ZNF827: variants seen among roughly 807,000 people sequenced by gnomAD.
The protein encoded by ZNF827 is zinc finger protein 827.
Under a neutral mutation model 102.4 loss-of-function variants are expected in ZNF827, and 13 were observed. The observed-to-expected ratio is 0.13, with a 90% CI of 0.08 to 0.20. The LOEUF (loss-of-function observed/expected upper bound fraction) is 0.20. Ranked by LOEUF, ZNF827 falls within the 10% of genes least tolerant of loss-of-function variation. The pLI is 1.00. For missense variants in ZNF827, 1,103 were observed against 1,344.4 expected (o/e 0.82, Z 2.81); for synonymous variants, 523 against 536.2 (o/e 0.98, Z 0.34).
At chr4:145,812,632 A>T (rs1203300596) in intron 8 of ZNF827, among the ~76,000 whole-genome samples, 1 of 151,762 alleles carries the variant, frequency 6.6e-6, no homozygotes, top group Non-Finnish European at 1.5e-5. Context: ...GGTTCAAGAG[A>T]TTTTCCTGTC....
chr4:145,765,417 T>A lies in ZNF827; in HGVS notation c.3052+130A>T. The A allele has an allele frequency of 8.6e-7, 1 of 1,168,016 alleles. No individual in the cohort carries two copies. The highest frequency in any genetic ancestry group is 1.2e-6 in the Non-Finnish European group (1 of 843,342). The allele number at this position is 1,168,016 out of a possible 1,614,324, so 72.4% of individuals were successfully genotyped here. A position where few individuals can be genotyped will look rare whatever the true frequency, so the allele number is the denominator to read the frequency against. On this transcript the variant is annotated intron_variant, in intron 12 of 14. Transcript: ENST00000508784. This position sits in a 1 kb window ranked among gnomAD's most constrained non-coding sequence, Gnocchi z 4.7. ...AGCCAAAAGAAATACAACCTTTAGG[T>A]GAGGCCCAGCATACTGCATCCTGGG...
At chr4:145,805,485 G>A (rs1741330026) in intron 8 of ZNF827, among the ~76,000 whole-genome samples, 1 of 152,050 alleles carries the variant, frequency 6.6e-6, no homozygotes, top group Non-Finnish European at 1.5e-5. Flanking sequence ...AATTATTAAA[G>A]GAACATGCAC....
intron 7 of ZNF827, among the ~76,000 whole-genome samples, chr4:145,845,609 TCCCAG>T (rs1745854338): frequency 6.6e-6 from 1 of 152,100 alleles, no homozygotes; most frequent in Non-Finnish European, 1.5e-5. Flanking sequence ...CAGCCCCCAG[TCCCAG>T]CTGAGCCACC....
At chr4:145,875,018 G>A (rs1256214939) in intron 4 of ZNF827, among the ~76,000 whole-genome samples, 1 of 152,196 alleles carries the variant, frequency 6.6e-6, no homozygotes, top group East Asian at 1.9e-4. Flanking sequence ...TGGGAAAGCT[G>A]CTGGGATAAG....
intron 1 of ZNF827, among the ~76,000 whole-genome samples, chr4:145,926,110 T>C (rs746168792): frequency 6.6e-6 from 1 of 152,202 alleles, no homozygotes; most frequent in African/African-American, 2.4e-5. Flanking sequence ...GCAGGGACCA[T>C]GCTCTATTCG....
At chr4:145,777,364 T>C (rs1404977844) in intron 9 of ZNF827, among the ~76,000 whole-genome samples, 1 of 152,212 alleles carries the variant, frequency 6.6e-6, no homozygotes, top group Non-Finnish European at 1.5e-5. Context: ...TTTAATAACA[T>C]TGGAATTTCC....
chr4:145,816,164 T>G (rs138600170), intron 8 of ZNF827, among the ~76,000 whole-genome samples: 1 of 152,344 alleles, frequency 6.6e-6, no homozygotes, highest in Non-Finnish European at 1.5e-5. Context: ...GCCACCACAT[T>G]TGACTTGGAT....
Position 145,897,297 on chromosome 4 carries a change from A to G in ZNF827, c.1093+4869T>C, listed in dbSNP as rs988606618. Among the ~76,000 whole-genome samples, 7 of 152,344 alleles carry G rather than the reference A, an allele frequency of 4.6e-5. No homozygotes were observed. In the East Asian group the frequency reaches 7.7e-4, roughly 17 times the overall value. On this transcript the variant is annotated intron_variant, in intron 2 of 14. Transcript: ENST00000508784. ...GCTTTAACACAAAGGTATTTTTAAAACAAATGTAACTGTTTTGTAGGCTTC... is the reference window on the plus strand; with the variant it reads ...GCTTTAACACAAAGGTATTTTTAAAGCAAATGTAACTGTTTTGTAGGCTTC...
intron 5 of ZNF827, among the ~76,000 whole-genome samples, chr4:145,864,690 T>C (rs980787780): frequency 2.6e-5 from 4 of 152,152 alleles, no homozygotes; most frequent in Non-Finnish European, 5.9e-5. Flanking sequence ...GAAATGAATA[T>C]GTGAATTTTT....
At chr4:145,905,756 G>A (rs1751809161) in intron 1 of ZNF827, among the ~76,000 whole-genome samples, 1 of 152,082 alleles carries the variant, frequency 6.6e-6, no homozygotes, top group Admixed American at 6.5e-5. Flanking sequence ...GAATCACATA[G>A]GAAGTATCCT....
intron 8 of ZNF827, among the ~76,000 whole-genome samples, chr4:145,807,534 G>A (rs779779930): frequency 1.3e-5 from 2 of 150,708 alleles, no homozygotes; most frequent in African/African-American, 2.4e-5. Context: ...GTGCAGTGGC[G>A]CCATCTCAGC....
intron 8 of ZNF827, among the ~76,000 whole-genome samples, chr4:145,788,534 G>A (rs946349808): frequency 2.6e-5 from 4 of 152,176 alleles, no homozygotes; most frequent in Admixed American, 6.5e-5. Context: ...TGTTTTCCCT[G>A]TACTTGTACT....
At chr4:145,883,035 C>T (rs1749805925) in intron 4 of ZNF827, among the ~76,000 whole-genome samples, 1 of 150,120 alleles carries the variant, frequency 6.7e-6, no homozygotes, top group South Asian at 2.1e-4. Flanking sequence ...AACGTATGGC[C>T]AGACCAACCA....
At chr4:145,819,283 C>T (rs1327905013) in intron 8 of ZNF827, among the ~76,000 whole-genome samples, 1 of 152,128 alleles carries the variant, frequency 6.6e-6, no homozygotes. Context: ...TCCTTCACAC[C>T]CGCCCTGGTT....
At position 145,870,491 on chromosome 4, in the gene ZNF827, A is replaced by G. The variant is rs1433054243; in HGVS notation, c.1748-13T>C. 6.2e-7 allele frequency: 1 copy of G among 1,612,348 alleles called. No homozygotes were observed. Among genetic ancestry groups the G allele is most frequent in the South Asian group, 1.1e-5 (1 of 91,024 alleles). ...TTCTGATTTGCAGCTGTCAAAAGAA[A>G]AAAAGGGATTATATATACATAAAAG... On this transcript the variant is annotated splice_polypyrimidine_tract_variant and intron_variant, in intron 4 of 14. Transcript: ENST00000508784.
chr4:145,852,194 C>T (rs1018703401), intron 5 of ZNF827, among the ~76,000 whole-genome samples: 4 of 152,186 alleles, frequency 2.6e-5, no homozygotes, highest in Non-Finnish European at 5.9e-5. Context: ...AAAGCAAAGC[C>T]AGAAAGAAGC....
chr4:145,912,020 A>G, intron 1 of ZNF827, among the ~76,000 whole-genome samples: 1 of 152,242 alleles, frequency 6.6e-6, no homozygotes. Flanking sequence ...CTTACACAAC[A>G]TGCATGCTTA....
rs575290766 is a variant in ZNF827 at position 145,858,172 on chromosome 4, T to C, written c.1982-8611A>G. 4.0e-3 allele frequency among the ~76,000 whole-genome samples: 598 copies of C among 147,982 alleles called. 1 individual carries two copies. Among genetic ancestry groups the C allele is most frequent in the African/African-American group, 0.012 (478 of 39,950 alleles). On this transcript the variant is annotated intron_variant, in intron 5 of 14. Coordinates refer to ENST00000508784, the MANE Select transcript of ZNF827 (RefSeq NM_001306215.2). ...GTGTGTGTGTGTGTGTGTGTGTGTG[T>C]GCACATGTGGCTTCTAAACAGGATT...
intron 4 of ZNF827, among the ~76,000 whole-genome samples, chr4:145,872,534 T>G (rs757161246): frequency 1.3e-5 from 2 of 152,236 alleles, no homozygotes; most frequent in Non-Finnish European, 2.9e-5. Context: ...ACGCGGTATT[T>G]AGTTTAACAG....
Sources: gnomAD v4.1 joint callset for allele counts (sites outside exome capture counted in the v4.1 genomes callset) on GRCh38, gnomAD v4.1.1 for gene constraint, Gnocchi (gnomAD v3.1) non-coding constraint, MANE v1.5 for transcripts, NCBI Gene and HGNC (gene_info 2026-07-23, HGNC 2026-07-21) for gene names.